The following LHX4 variants were observed in gnomAD, a reference collection of about 807,000 sequenced individuals.
LHX4 encodes LIM homeobox 4, also known as LIM/homeobox protein Lhx4.
A neutral mutation model predicts 39.2 loss-of-function variants in LHX4; 16 were observed. The ratio of observed to expected loss-of-function variants is 0.41; its 90% confidence interval spans 0.28 to 0.62. The LOEUF (loss-of-function observed/expected upper bound fraction) is 0.62. Ranked by LOEUF, LHX4 falls within the 20% of genes least tolerant of loss-of-function variation. LHX4 has a pLI of 0.33. For missense variants in LHX4, 439 were observed against 511.9 expected (o/e 0.86, Z 1.37); for synonymous variants, 206 against 198.1 (o/e 1.04, Z -0.33).
At chr1:180,261,996 G>T (rs1571278645) in intron 2 of LHX4, among the ~76,000 whole-genome samples, 1 of 152,214 alleles carries the variant, frequency 6.6e-6, no homozygotes, top group Non-Finnish European at 1.5e-5. Context: ...GTTTCCAGAT[G>T]GTTCCTCTAA....
rs115049416 is a variant in LHX4 at position 180,264,156 on chromosome 1, G to A, written c.249-2236G>A. The stretch of plus-strand genomic sequence containing the variant: ...ATTTTTTGCATTTTTTGTAGAGGCA[G>A]GGATTCACCATATTGCCCAGGCTGG... On this transcript the variant is annotated intron_variant, in intron 2 of 5. Coordinates refer to ENST00000263726, the MANE Select transcript of LHX4 (RefSeq NM_033343.4). Among the ~76,000 whole-genome samples the A allele has an allele frequency of 4.2e-3, 642 of 152,152 alleles. 3 individuals carry two copies. The highest frequency in any genetic ancestry group is 0.015 in the African/African-American group (619 of 41,500).
intron 2 of LHX4, among the ~76,000 whole-genome samples, chr1:180,249,582 C>G (rs896417491): frequency 4.6e-5 from 7 of 152,218 alleles, no homozygotes; most frequent in Admixed American, 3.9e-4. Context: ...ATAGAGGCAC[C>G]TCATGCTGAA....
chr1:180,256,488 C>G (rs1310237147), intron 2 of LHX4, among the ~76,000 whole-genome samples: 1 of 152,230 alleles, frequency 6.6e-6, no homozygotes, highest in Non-Finnish European at 1.5e-5. Flanking sequence ...CTGGGGGCCT[C>G]TCTCCCACAC....
intron 2 of LHX4, among the ~76,000 whole-genome samples, chr1:180,252,718 AGTAC>A (rs1647682118): frequency 6.6e-6 from 1 of 152,206 alleles, no homozygotes; most frequent in Non-Finnish European, 1.5e-5. Flanking sequence ...GGAGGTGGGT[AGTAC>A]CTTGTAATAT....
At position 180,266,438 on chromosome 1, in the gene LHX4, A is replaced by G. The variant is rs766510552; in HGVS notation, c.295A>G (p.Thr99Ala). 8.1e-6 allele frequency: 13 copies of G among 1,614,014 alleles called. No homozygotes were observed. The African/African-American group carries it at 1.6e-4, about 20-fold the overall frequency. ...CTACQQGIPP[T>A]QVVRKAQDFV... ...GGCCTGCCAGCAGGGTATCCCCCCA[A>G]CCCAGGTGGTCCGCAAGGCCCAGGA... is the stretch of plus-strand genomic sequence containing the variant. The change falls in exon 3 of 6, where the codon ACC becomes GCC. Residue 99 changes from threonine to alanine, a missense_variant. Transcript: ENST00000263726. This position sits in a 1 kb window ranked among gnomAD's most constrained non-coding sequence, Gnocchi z 5.7.
At chr1:180,253,583 T>C (rs564508103) in intron 2 of LHX4, among the ~76,000 whole-genome samples, 27 of 152,364 alleles carry the variant, frequency 1.8e-4, no homozygotes, top group African/African-American at 6.0e-4. Flanking sequence ...TCCTGTCCTA[T>C]CTTTCGTTAG....
At position 180,230,325 on chromosome 1, in the gene LHX4, G is replaced by GGGACTGGAAAC. The variant is rs1469260119; in HGVS notation, c.-204_-194dup. On this transcript the variant is annotated 5_prime_UTR_variant, in exon 1 of 6. An upstream open reading frame in the 5' UTR gains an earlier in-frame stop. Coordinates refer to ENST00000263726, the MANE Select transcript of LHX4 (RefSeq NM_033343.4). This position sits in a 1 kb window ranked among gnomAD's most constrained non-coding sequence, Gnocchi z 5.8. The stretch of plus-strand genomic sequence containing the variant: ...ACCAACCCCGGAGAGCGAGATCAAA[G>GGGACTGGAAAC]GGACTGGAAACAGACTGGGGACTGG... 61 of 622,262 alleles carry GGGACTGGAAAC rather than the reference G, an allele frequency of 9.8e-5. No individual in the cohort carries two copies. The South Asian group carries it at 1.1e-3, about 11-fold the overall frequency. The allele number at this position is 622,262 out of a possible 1,614,324, so 38.5% of individuals were successfully genotyped here.
At chr1:180,258,119 A>G (rs1443356366) in intron 2 of LHX4, among the ~76,000 whole-genome samples, 3 of 152,238 alleles carry the variant, frequency 2.0e-5, no homozygotes, top group Non-Finnish European at 4.4e-5. Context: ...CTGTTGCAGA[A>G]CTTGCCTTCT....
intron 2 of LHX4, among the ~76,000 whole-genome samples, chr1:180,265,401 G>A (rs1009338489): frequency 1.3e-5 from 2 of 152,118 alleles, no homozygotes; most frequent in Non-Finnish European, 2.9e-5. Context: ...TGTCCCTGTC[G>A]GCCCCCAAAT....
intron 2 of LHX4, among the ~76,000 whole-genome samples, chr1:180,262,685 A>G (rs575752137): frequency 4.3e-4 from 65 of 151,908 alleles, no homozygotes; most frequent in African/African-American, 1.4e-3. Flanking sequence ...AAACTTGAAA[A>G]AAAAAAAAAA....
intron 2 of LHX4, among the ~76,000 whole-genome samples, chr1:180,250,323 T>TTG (rs757617473): frequency 0.011 from 1,282 of 119,678 alleles, 9 homozygotes; most frequent in South Asian, 0.016. Context: ...TTCCCTGTGT[T>TTG]TGTGTGTGTG....
rs369457811 is a variant in LHX4, at chr1:180,233,911, C to T, written c.76+3306C>T. On this transcript the variant is annotated intron_variant, in intron 1 of 5. Transcript: ENST00000263726. Reference sequence around the variant, plus strand: ...TATTTTATTTTGTGTTTGGTAGGGTCGGGGTAAAGGTTTTCCCTGGGACTT... The same window carrying T: ...TATTTTATTTTGTGTTTGGTAGGGTTGGGGTAAAGGTTTTCCCTGGGACTT... 1.1e-4 allele frequency among the ~76,000 whole-genome samples: 16 copies of T among 151,726 alleles called. No individual in the cohort carries two copies. In the South Asian group the frequency reaches 3.3e-3, roughly 32 times the overall value.
At position 180,266,443 on chromosome 1, in the gene LHX4, G is replaced by T. The variant is rs1156273617; in HGVS notation, c.300G>T (p.Gln100His). The change falls in exon 3 of 6, where the codon CAG (glutamine) becomes CAT (histidine). Residue 100 changes from glutamine (Q) to histidine (H), a missense_variant. Physicochemically the swap from Gln to His is conservative, Grantham distance 24. Transcript: ENST00000263726. This position sits in a 1 kb window ranked among gnomAD's most constrained non-coding sequence, Gnocchi z 5.7. ...TACQQGIPPT[Q>H]VVRKAQDFVY... The stretch of plus-strand genomic sequence containing the variant: ...GCCAGCAGGGTATCCCCCCAACCCA[G>T]GTGGTCCGCAAGGCCCAGGACTTTG... 6 of 1,614,222 alleles carry T rather than the reference G, an allele frequency of 3.7e-6. No homozygotes were observed. Among genetic ancestry groups the T allele is most frequent in the Admixed American group, 1.7e-5 (1 of 60,028 alleles).
chr1:180,259,728 G>A lies in LHX4; in HGVS notation c.249-6664G>A, dbSNP rs114194576. ...GGGCGGAGAGAGGGCAGGGTCCAGG[G>A]TGTGTGGGGAGGGACAGGTGGGATC... On this transcript the variant is annotated intron_variant, in intron 2 of 5. Coordinates refer to ENST00000263726, the MANE Select transcript of LHX4 (RefSeq NM_033343.4). Among the ~76,000 whole-genome samples the A allele has an allele frequency of 4.2e-3, 632 of 151,894 alleles. 23 individuals are homozygous for A. The highest frequency in any genetic ancestry group is 0.014 in the African/African-American group (587 of 41,174).
chr1:180,251,488 G>T (rs1288828339), intron 2 of LHX4, among the ~76,000 whole-genome samples: 1 of 152,172 alleles, frequency 6.6e-6, no homozygotes, highest in Non-Finnish European at 1.5e-5. Context: ...CCCATTTCTC[G>T]TGTGCCTGGT....
chr1:180,273,782 C>T, intron 5 of LHX4: 1 of 245,636 alleles, frequency 4.1e-6, no homozygotes, highest in South Asian at 5.2e-5. Flanking sequence ...TAAACCAAGC[C>T]CTTTCTCAGC....
chr1:180,260,876 C>G (rs1267861825), intron 2 of LHX4, among the ~76,000 whole-genome samples: 1 of 151,782 alleles, frequency 6.6e-6, no homozygotes. Context: ...GACTGCAAAC[C>G]CCGGTTCTCT....
rs140862 is a variant in LHX4 at position 180,276,345 on chromosome 1, TTAAG to T, written c.*1772_*1775del. 139,299 of 152,012 alleles carry T rather than the reference TTAAG, an allele frequency of 0.92. 63,959 individuals carry two copies. The highest frequency in any genetic ancestry group is 0.99 in the East Asian group (5,116 of 5,174). 9.4% of individuals were successfully genotyped at this position (152,012 alleles called of 1,614,324 possible). A position where few individuals can be genotyped will look rare whatever the true frequency, so the allele number is the denominator to read the frequency against. Reference sequence around the variant, plus strand: ...TTTTCCAGGACTAAACTAAGTTCAATTAAGTAAGTTCTTTAAAACAGTAAATTCC... The same window carrying T: ...TTTTCCAGGACTAAACTAAGTTCAATTAAGTTCTTTAAAACAGTAAATTCC... On this transcript the variant is annotated 3_prime_UTR_variant, in exon 6 of 6. Transcript: ENST00000263726.
chr1:180,263,725 A>G (rs1333551502), intron 2 of LHX4, among the ~76,000 whole-genome samples: 3 of 152,184 alleles, frequency 2.0e-5, no homozygotes, highest in Non-Finnish European at 4.4e-5. Flanking sequence ...TACCCCCGTT[A>G]TCTTTCATGT....
Sources: gnomAD v4.1 joint callset for allele counts (sites outside exome capture counted in the v4.1 genomes callset) on GRCh38, gnomAD v4.1.1 for gene constraint, Gnocchi (gnomAD v3.1) non-coding constraint, MANE v1.5 for transcripts, NCBI Gene and HGNC (gene_info 2026-07-23, HGNC 2026-07-21) for gene names.